The following CUBN variants were observed in gnomAD, a reference collection of about 807,000 sequenced individuals.
CUBN encodes the protein 460 kDa receptor.
Under a neutral mutation model 405.3 loss-of-function variants are expected in CUBN, and 282 were observed. That is an observed-to-expected ratio of 0.70 (90% CI 0.63 to 0.77). The LOEUF is 0.77. Ranked by LOEUF, CUBN falls within the 30% of genes least tolerant of loss-of-function variation. CUBN has a pLI of 0.00. For missense variants in CUBN, 4,514 were observed against 4,475.2 expected (o/e 1.01, Z -0.25); for synonymous variants, 1,684 against 1,617.0 (o/e 1.04, Z -0.99).
intron 29 of CUBN, among the ~76,000 whole-genome samples, chr10:16,989,840 T>C (rs112622919): frequency 4.9e-4 from 75 of 152,328 alleles, no homozygotes; most frequent in African/African-American, 1.7e-3. Flanking sequence ...AGGCCATCCC[T>C]GTGCTTGTTG....
At chr10:16,991,962 T>C (rs1216747023) in intron 28 of CUBN, among the ~76,000 whole-genome samples, 1 of 152,216 alleles carries the variant, frequency 6.6e-6, no homozygotes, top group Non-Finnish European at 1.5e-5. Flanking sequence ...TCCGGCACTA[T>C]TCACAAGAGC....
chr10:16,921,280 A>G (rs531199634), intron 43 of CUBN, among the ~76,000 whole-genome samples: 122 of 152,254 alleles, frequency 8.0e-4, no homozygotes, highest in African/African-American at 2.7e-3. Flanking sequence ...TCCATTTGTT[A>G]CCCCTAATTT....
intron 22 of CUBN, among the ~76,000 whole-genome samples, chr10:17,062,408 A>G (rs1355874188): frequency 6.6e-6 from 1 of 152,236 alleles, no homozygotes; most frequent in Non-Finnish European, 1.5e-5. Flanking sequence ...TTTACTTTAA[A>G]TTGATAACAT....
intron 39 of CUBN, among the ~76,000 whole-genome samples, chr10:16,936,020 T>A (rs1487486567): frequency 6.6e-6 from 1 of 152,106 alleles, no homozygotes; most frequent in Non-Finnish European, 1.5e-5. Flanking sequence ...GGATAATCAC[T>A]TATGCCATCT....
intron 22 of CUBN, among the ~76,000 whole-genome samples, chr10:17,062,445 AAAT>A (rs1325244272): frequency 2.6e-5 from 4 of 152,250 alleles, no homozygotes; most frequent in Non-Finnish European, 5.9e-5. Context: ...CTCAGGATTC[AAAT>A]ATTTTGTAGT....
chr10:16,864,398 G>T (rs1004974980), intron 59 of CUBN, among the ~76,000 whole-genome samples: 4 of 151,970 alleles, frequency 2.6e-5, no homozygotes, highest in Admixed American at 6.6e-5. Context: ...TTGGGCGGGG[G>T]GCTTGAAAAT....
chr10:16,984,397 C>A, intron 29 of CUBN, 118 bp from the exon 30 acceptor site: 2 of 987,008 alleles, frequency 2.0e-6, no homozygotes, highest in Non-Finnish European at 3.1e-6. Context: ...AGATTGAAAT[C>A]TCAGCCTCCC....
intron 31 of CUBN, 136 bp downstream of exon 31, chr10:16,982,348 A>G (rs1034129559): frequency 4.0e-6 from 3 of 750,568 alleles, no homozygotes; most frequent in Admixed American, 2.1e-5. Flanking sequence ...CTTATATTTT[A>G]AGTTGCCAAT....
At chr10:16,918,886 A>T in intron 44 of CUBN, 86 bp from the exon 45 acceptor site, 1 of 1,201,298 alleles carries the variant, frequency 8.3e-7, no homozygotes, top group Admixed American at 1.9e-5. Context: ...CTTTGAAGAT[A>T]TTATTAAATC....
In CUBN at chr10:17,114,114, C is replaced by T. The variant is rs1161400848; in HGVS notation, c.796G>A (p.Glu266Lys). The T allele has an allele frequency of 3.7e-6, 6 of 1,613,450 alleles. No homozygotes were observed. Among genetic ancestry groups the T allele is most frequent in the African/African-American group, 1.3e-5 (1 of 74,920 alleles). The change falls in exon 8 of 67, where the codon GAG (glutamate) becomes AAG (lysine). Residue 266 changes from glutamate to lysine, a missense_variant. Transcript: ENST00000377833. Reference protein sequence around the residue: ...NSPACTLDRDECSFQPGPCST... With the variant: ...NSPACTLDRDKCSFQPGPCST... ...CAAGGCCCGGGCTGGAAGCTGCACT[C>T]GTCTCTGTCCAGCGTGCAGGCAGGG...
rs780417559 is a variant in CUBN at position 16,840,303 on chromosome 10, G to C, written c.10032+27C>G. The C allele has an allele frequency of 2.5e-6, 4 of 1,575,374 alleles. No homozygotes were observed. The East Asian group carries it at 9.0e-5, about 35-fold the overall frequency. On this transcript the variant is annotated intron_variant, in intron 62 of 66. Coordinates refer to ENST00000377833, the MANE Select transcript of CUBN (RefSeq NM_001081.4). ...TACTGGTGAAAAGGTCACTAGATGTGACTGCCATTCATCTTATAATTGTTA... is the reference window on the plus strand; with the variant it reads ...TACTGGTGAAAAGGTCACTAGATGTCACTGCCATTCATCTTATAATTGTTA...
intron 49 of CUBN, 96 bp downstream of exon 49, chr10:16,907,412 A>G (rs1318770611): frequency 1.6e-6 from 2 of 1,272,880 alleles, no homozygotes; most frequent in African/African-American, 3.0e-5. Context: ...GTATCACTAA[A>G]GGGAAAATGG....
rs1031242097 is a variant in CUBN at position 17,071,815 on chromosome 10, A to G, written c.2446+12T>C. 8 of 1,610,196 alleles carry G rather than the reference A, an allele frequency of 5.0e-6. No homozygotes were observed. The South Asian group carries it at 6.6e-5, about 13-fold the overall frequency. ...GGCAAATTAGACATTTAAAAATTAT[A>G]TGTTTCCTTACCGACTTGATAAACA... On this transcript the variant is annotated intron_variant, in intron 18 of 66. Transcript: ENST00000377833.
chr10:17,120,475 G>C (rs1837011845), intron 6 of CUBN, among the ~76,000 whole-genome samples: 1 of 152,200 alleles, frequency 6.6e-6, no homozygotes, highest in Non-Finnish European at 1.5e-5. Context: ...TAGGAATCAA[G>C]ATCATTTCCA....
At chr10:17,011,841 C>T (rs534026074) in intron 28 of CUBN, among the ~76,000 whole-genome samples, 19 of 138,048 alleles carry the variant, frequency 1.4e-4, no homozygotes, top group African/African-American at 5.7e-4. Context: ...AGACACAGAG[C>T]GCTGATTGGT....
chr10:16,898,207 A>T (rs368499531), intron 54 of CUBN, among the ~76,000 whole-genome samples: 19 of 152,186 alleles, frequency 1.2e-4, no homozygotes, highest in African/African-American at 3.9e-4. Context: ...TGACTCATCA[A>T]GTGACTTTAA....
chr10:16,959,062 C>G (rs1843149458), intron 31 of CUBN, among the ~76,000 whole-genome samples: 1 of 152,060 alleles, frequency 6.6e-6, no homozygotes, highest in South Asian at 2.1e-4. Flanking sequence ...CTTTTTATAG[C>G]AACATTAATC....
At chr10:16,853,669 T>C (rs1181452171) in intron 59 of CUBN, among the ~76,000 whole-genome samples, 2 of 152,212 alleles carry the variant, frequency 1.3e-5, no homozygotes, top group Non-Finnish European at 2.9e-5. Flanking sequence ...AGAGGTCATA[T>C]AGGACAAAAT....
At position 16,937,712 on chromosome 10, in the gene CUBN, A is replaced by T. The variant is rs200784089; in HGVS notation, c.5806T>A (p.Ser1936Thr). The change falls in exon 39 of 67, where the codon TCC (serine) becomes ACC (threonine). Residue 1936 changes from serine to threonine, a missense_variant. By Grantham distance (58) the Ser-to-Thr change is moderately conservative. Transcript: ENST00000377833. ...YCGTQTESFSSTGNSLTFHFY... is the reference protein window; with the variant it reads ...YCGTQTESFSTTGNSLTFHFY... ...TGAAATGTCAAAGAATTTCCAGTGG[A>T]GCTGAAAGATTCAGTCTGGGTACCA... 48 of 1,614,124 alleles carry T rather than the reference A, an allele frequency of 3.0e-5. No individual in the cohort carries two copies. In the East Asian group the frequency reaches 1.0e-3, roughly 35 times the overall value.
Sources: allele counts gnomAD v4.1 joint callset (sites outside exome capture counted in the v4.1 genomes callset), GRCh38; gene constraint gnomAD v4.1.1; transcripts MANE v1.5; gene names NCBI Gene and HGNC (gene_info 2026-07-23, HGNC 2026-07-21).